Variants in TMEFF2 observed in about 807,000 individuals in gnomAD.
TMEFF2 encodes the protein transmembrane protein with EGF like and two follistatin like domains 2, also known as tomoregulin-2.
TMEFF2 carries 28 observed loss-of-function variants against 53.8 expected under a neutral mutation model. The observed-to-expected ratio is 0.52, with a 90% CI of 0.39 to 0.71. The LOEUF (loss-of-function observed/expected upper bound fraction) is 0.71, where lower values mean the gene tolerates loss of function less well. Ranked by LOEUF, TMEFF2 falls within the 30% of genes least tolerant of loss-of-function variation. The probability of loss-of-function intolerance (pLI) is 0.00; values close to 1 mark genes in which losing one functional copy is unlikely to be tolerated. For missense variants in TMEFF2, 353 were observed against 455.2 expected, an observed-to-expected ratio of 0.78 and a Z score of 2.04; for synonymous variants, 162 against 166.3, an observed-to-expected ratio of 0.97 and a Z score of 0.20.
rs551182726 is a variant in TMEFF2 at position 192,135,042 on chromosome 2, T to C, written c.439+44626A>G. 1.2e-3 allele frequency among the ~76,000 whole-genome samples: 176 copies of C among 152,304 alleles called. 3 individuals are homozygous for C. Among genetic ancestry groups the C allele is most frequent in the Non-Finnish European group, 1.1e-3 (77 of 68,034 alleles). ...CAGCCCATTTAAGCTCCTGTATAGA[T>C]GCTCCTTTTTATTAGGCCCCAGTCT... On this transcript the variant is annotated intron_variant, in intron 4 of 9. Transcript: ENST00000272771.
intron 4 of TMEFF2, among the ~76,000 whole-genome samples, chr2:192,079,455 G>A (rs893922765): frequency 6.6e-6 from 1 of 152,118 alleles, no homozygotes; most frequent in Non-Finnish European, 1.5e-5. Flanking sequence ...ATTTCTCAGA[G>A]GACCCAACAG....
intron 5 of TMEFF2, chr2:192,035,278 G>A (rs1423646313): frequency 6.6e-6 from 1 of 152,166 alleles, no homozygotes; most frequent in African/African-American, 2.4e-5. Context: ...AAAGTTTGCA[G>A]AGTTTTGTAT....
intron 4 of TMEFF2, among the ~76,000 whole-genome samples, chr2:192,152,509 G>T (rs575830370): frequency 6.6e-6 from 1 of 151,912 alleles, no homozygotes; most frequent in African/African-American, 2.4e-5. Flanking sequence ...GTAATGAGTG[G>T]CCCCAAGGGG....
intron 7 of TMEFF2, among the ~76,000 whole-genome samples, chr2:191,984,112 TTTTTC>T (rs1319889930): frequency 2.6e-5 from 4 of 152,076 alleles, no homozygotes; most frequent in African/African-American, 9.7e-5. Context: ...GTAAGTTCTT[TTTTTC>T]TTTTATTTTT....
intron 4 of TMEFF2, among the ~76,000 whole-genome samples, chr2:192,131,987 G>A (rs1050690552): frequency 2.1e-4 from 32 of 152,154 alleles, no homozygotes; most frequent in Admixed American, 7.2e-4. Flanking sequence ...TCTGTGCCCA[G>A]TGCAACTCGT....
At chr2:192,147,484 C>T (rs1690281795) in intron 4 of TMEFF2, among the ~76,000 whole-genome samples, 2 of 151,822 alleles carry the variant, frequency 1.3e-5, no homozygotes, top group South Asian at 4.1e-4. Flanking sequence ...TCCCCACTCC[C>T]CCCACCCCAC....
intron 2 of TMEFF2, among the ~76,000 whole-genome samples, 168 bp downstream of exon 2, chr2:192,191,712 C>T (rs1329956189): frequency 6.6e-6 from 1 of 152,138 alleles, no homozygotes. Context: ...CTCCAAAAAG[C>T]GTATGTCTTC....
chr2:192,177,833 A>C (rs905718178), intron 4 of TMEFF2: 30 of 151,076 alleles, frequency 2.0e-4, no homozygotes, highest in Non-Finnish European at 3.4e-4. Context: ...ATAATGAACC[A>C]AAGATTTTAA....
rs947552393 is a variant in TMEFF2, at chr2:191,949,447, T to C, written c.*864A>G. The C allele has an allele frequency of 1.6e-5, 16 of 985,338 alleles. No individual in the cohort carries two copies. The African/African-American group carries it at 2.8e-4, about 17-fold the overall frequency. The allele number at this position is 985,338 out of a possible 1,614,324, so 61.0% of individuals were successfully genotyped here. On this transcript the variant is annotated 3_prime_UTR_variant, in exon 10 of 10. Transcript: ENST00000272771. ...AGAACTATATACTATACATATTGTA[T>C]GGTGCTTTTGAGAATTCACGATTTT... is the stretch of plus-strand genomic sequence containing the variant.
intron 5 of TMEFF2, among the ~76,000 whole-genome samples, chr2:192,054,497 G>A (rs570710380): frequency 6.6e-6 from 1 of 152,100 alleles, no homozygotes; most frequent in South Asian, 2.1e-4. Flanking sequence ...AAGCCTTTCT[G>A]GTGCCACTAT....
chr2:192,145,889 ACTT>A (rs1162189690), intron 4 of TMEFF2, among the ~76,000 whole-genome samples: 2 of 152,030 alleles, frequency 1.3e-5, no homozygotes, highest in Non-Finnish European at 2.9e-5. Flanking sequence ...TCAATGTGGC[ACTT>A]CCAGAAGATG....
chr2:192,169,097 G>T (rs1690843844), intron 4 of TMEFF2, among the ~76,000 whole-genome samples: 1 of 151,960 alleles, frequency 6.6e-6, no homozygotes, highest in South Asian at 2.1e-4. Flanking sequence ...TAAGCACCAG[G>T]CTTTCTTTTC....
intron 4 of TMEFF2, among the ~76,000 whole-genome samples, chr2:192,158,543 A>G (rs1221433647): frequency 6.6e-6 from 1 of 152,164 alleles, no homozygotes; most frequent in East Asian, 1.9e-4. Context: ...TCAGAATATC[A>G]CAAACCCATG....
At chr2:192,041,150 A>C (rs62181533) in intron 5 of TMEFF2, among the ~76,000 whole-genome samples, 64,397 of 151,960 alleles carry the variant, frequency 0.42, 14,999 homozygotes, top group East Asian at 0.57. Context: ...GTTTCAAAGG[A>C]TACGGTCAAG....
chr2:192,059,513 G>A (rs1160306037), intron 4 of TMEFF2, among the ~76,000 whole-genome samples: 4 of 152,118 alleles, frequency 2.6e-5, no homozygotes, highest in Non-Finnish European at 5.9e-5. Flanking sequence ...AAGCCTTTTA[G>A]TGTTAGCAAG....
intron 4 of TMEFF2, among the ~76,000 whole-genome samples, chr2:192,161,233 A>G (rs1283869325): frequency 6.6e-6 from 1 of 152,046 alleles, no homozygotes; most frequent in Non-Finnish European, 1.5e-5. Flanking sequence ...CAGTGGCGTG[A>G]TCTTGGCTCA....
At chr2:192,187,698 A>C (rs928882246) in intron 2 of TMEFF2, among the ~76,000 whole-genome samples, 1 of 152,096 alleles carries the variant, frequency 6.6e-6, no homozygotes, top group Non-Finnish European at 1.5e-5. Flanking sequence ...AAGTGATTCT[A>C]TTTTTCTATG....
intron 5 of TMEFF2, among the ~76,000 whole-genome samples, chr2:192,006,921 TCTAAGA>T (rs1213405816): frequency 1.3e-5 from 2 of 152,318 alleles, no homozygotes; most frequent in Non-Finnish European, 2.9e-5. Context: ...TTTCTCACCC[TCTAAGA>T]CTAAGAGATT....
At chr2:192,100,403 C>T (rs1379459325) in intron 4 of TMEFF2, among the ~76,000 whole-genome samples, 1 of 152,152 alleles carries the variant, frequency 6.6e-6, no homozygotes, top group African/African-American at 2.4e-5. Context: ...AGTCTTCTAG[C>T]ATGCATTTTC....
Sources: allele counts gnomAD v4.1 joint callset (sites outside exome capture counted in the v4.1 genomes callset), GRCh38; gene constraint gnomAD v4.1.1; transcripts MANE v1.5; gene names NCBI Gene and HGNC (gene_info 2026-07-23, HGNC 2026-07-21).